The following GLYATL2 variants were observed in gnomAD, a reference collection of about 807,000 sequenced individuals.
GLYATL2 encodes glycine-N-acyltransferase like 2.
GLYATL2 carries 25 observed loss-of-function variants against 21.4 expected under a neutral mutation model. The observed-to-expected ratio is 1.17, with a 90% CI of 0.85 to 1.63. The LOEUF (loss-of-function observed/expected upper bound fraction) is 1.63, where lower values mean the gene tolerates loss of function less well. Ranked by LOEUF, GLYATL2 falls within the 40% of genes most tolerant of loss-of-function variation. The pLI is 0.00. For missense variants in GLYATL2, 361 were observed against 343.3 expected, an observed-to-expected ratio of 1.05 and a Z score of -0.41; for synonymous variants, 114 against 118.2, an observed-to-expected ratio of 0.96 and a Z score of 0.23.
upstream of GLYATL2, among the ~76,000 whole-genome samples, chr11:58,845,849 A>G (rs10896857): frequency 0.26 from 39,837 of 151,996 alleles, 5,722 homozygotes; most frequent in East Asian, 0.51. Context: ...TAGGCAGTTT[A>G]TATCTTCTTA....
At chr11:58,900,609 G>A (rs1411813885) in intron 1 of GLYATL2, among the ~76,000 whole-genome samples, 1 of 152,172 alleles carries the variant, frequency 6.6e-6, no homozygotes, top group African/African-American at 2.4e-5. Flanking sequence ...GGGTAGGTTT[G>A]CCTAAAGACA....
In GLYATL2 at chr11:58,901,035, G is replaced by C. The variant is rs528582458; in HGVS notation, n.60+3121C>G. Among the ~76,000 whole-genome samples, 16 of 152,168 alleles carry C rather than the reference G, an allele frequency of 1.1e-4. No individual in the cohort carries two copies. In the South Asian group the frequency reaches 3.1e-3, roughly 30 times the overall value. On this transcript the variant is annotated intron_variant and non_coding_transcript_variant, in intron 1 of 4. Coordinates refer to the GLYATL2 transcript ENST00000533636. ...GGAAACGCGCCTTCGCCTGCCCTGA[G>C]TAACTGCAAATCCAGGGCTGAGTGA... is the stretch of plus-strand genomic sequence containing the variant.
chr11:58,898,319 T>C (rs900690789), intron 1 of GLYATL2, among the ~76,000 whole-genome samples: 4 of 152,202 alleles, frequency 2.6e-5, no homozygotes, highest in African/African-American at 9.6e-5. Flanking sequence ...CTGGCTGTTT[T>C]AGTTCCAGAT....
intron 1 of GLYATL2, among the ~76,000 whole-genome samples, chr11:58,890,571 G>A (rs1340678637): frequency 1.3e-5 from 2 of 152,064 alleles, no homozygotes; most frequent in African/African-American, 4.8e-5. Context: ...TTTTTAAAGG[G>A]TAGATATTTC....
At chr11:58,875,428 T>C (rs1348116506) in intron 1 of GLYATL2, among the ~76,000 whole-genome samples, 4 of 152,228 alleles carry the variant, frequency 2.6e-5, no homozygotes, top group Admixed American at 6.5e-5. Context: ...TGGCTGGTAC[T>C]GGTTGTTCCT....
upstream of GLYATL2, chr11:58,908,371 G>C (rs967157815): frequency 1.3e-5 from 2 of 153,066 alleles, no homozygotes; most frequent in African/African-American, 4.8e-5. Context: ...TTGTTTTTTT[G>C]TTTTTTTAGA....
intron 1 of GLYATL2, among the ~76,000 whole-genome samples, chr11:58,881,872 A>G (rs904843565): frequency 2.6e-5 from 4 of 152,166 alleles, no homozygotes; most frequent in East Asian, 1.9e-4. Context: ...TTTGTTCAGA[A>G]TGATGGTTTC....
chr11:58,852,445 T>C (rs1381773206), intron 1 of GLYATL2, among the ~76,000 whole-genome samples: 2 of 152,256 alleles, frequency 1.3e-5, no homozygotes, highest in Non-Finnish European at 2.9e-5. Flanking sequence ...CCTACATTTA[T>C]TGAGAAATTA....
Position 58,879,289 on chromosome 11 carries a change from G to A in GLYATL2, n.60+24867C>T, listed in dbSNP as rs144478833. Among the ~76,000 whole-genome samples, 487 of 151,906 alleles carry A rather than the reference G, an allele frequency of 3.2e-3. 5 individuals are homozygous for A. The highest frequency in any genetic ancestry group is 0.011 in the African/African-American group (448 of 41,400). ...TTTCACTACCCAAAACAATTTTCATGTTTATTTATTCCCTTCAAGTCCTTG... is the reference window on the plus strand; with the variant it reads ...TTTCACTACCCAAAACAATTTTCATATTTATTTATTCCCTTCAAGTCCTTG... On this transcript the variant is annotated intron_variant and non_coding_transcript_variant, in intron 1 of 4. Coordinates refer to the GLYATL2 transcript ENST00000533636.
chr11:58,868,007 G>A (rs1160285805), intron 1 of GLYATL2, among the ~76,000 whole-genome samples: 1 of 148,716 alleles, frequency 6.7e-6, no homozygotes, highest in African/African-American at 2.4e-5. Flanking sequence ...CTGATGCAAA[G>A]GAGTCTCCTC....
intron 1 of GLYATL2, among the ~76,000 whole-genome samples, chr11:58,859,324 T>TTCTC (rs35379649): frequency 1.2e-4 from 18 of 150,852 alleles, no homozygotes; most frequent in South Asian, 2.1e-4. Context: ...GTAGCATTCA[T>TTCTC]TCTCTCTCTC....
At chr11:58,894,664 G>T (rs1590753516) in intron 1 of GLYATL2, among the ~76,000 whole-genome samples, 1 of 152,214 alleles carries the variant, frequency 6.6e-6, no homozygotes, top group Non-Finnish European at 1.5e-5. Context: ...TTTAAAGTGT[G>T]CAGTTCCAGC....
chr11:58,857,444 G>A lies in GLYATL2; in HGVS notation n.61-19076C>T, dbSNP rs538602763. ...GGAACAGCCTCCTCCTCCTCCCACT[G>A]CCTAGACCTGGAGAAGCCTTTTCTC... On this transcript the variant is annotated intron_variant and non_coding_transcript_variant, in intron 1 of 4. Transcript: ENST00000533636. 5.1e-4 allele frequency among the ~76,000 whole-genome samples: 77 copies of A among 152,256 alleles called. 3 individuals carry two copies. The South Asian group carries it at 0.016, about 31-fold the overall frequency.
At chr11:58,854,869 G>A (rs1853801986) in intron 1 of GLYATL2, among the ~76,000 whole-genome samples, 2 of 152,100 alleles carry the variant, frequency 1.3e-5, no homozygotes, top group African/African-American at 4.8e-5. Flanking sequence ...TATTTTAAGA[G>A]GTCACTTTCT....
chr11:58,906,180 A>T (rs1340159044), upstream of GLYATL2, among the ~76,000 whole-genome samples: 1 of 152,172 alleles, frequency 6.6e-6, no homozygotes, highest in Non-Finnish European at 1.5e-5. Context: ...AGTAGACAGA[A>T]GGATCTCAGC....
chr11:58,838,422 G>T, intron 2 of GLYATL2, 54 bp from the exon 3 acceptor site: 1 of 1,096,934 alleles, frequency 9.1e-7, no homozygotes, highest in Non-Finnish European at 1.4e-6. Context: ...CCAATATAGA[G>T]TCTTATATGT....
chr11:58,850,862 G>A (rs1565092777), intron 1 of GLYATL2, among the ~76,000 whole-genome samples: 1 of 152,148 alleles, frequency 6.6e-6, no homozygotes, highest in East Asian at 1.9e-4. Context: ...TCCCTGTGAT[G>A]CTGTGCTTCA....
intron 1 of GLYATL2, among the ~76,000 whole-genome samples, chr11:58,869,904 C>T (rs190891874): frequency 6.6e-6 from 1 of 152,062 alleles, no homozygotes; most frequent in African/African-American, 2.4e-5. Flanking sequence ...AGTTTGAGAC[C>T]AGCCTGAAAA....
At chr11:58,844,202 A>G (rs1853602770) in intron 1 of GLYATL2, among the ~76,000 whole-genome samples, 3 of 152,192 alleles carry the variant, frequency 2.0e-5, no homozygotes, top group African/African-American at 7.2e-5. Flanking sequence ...AAGCATTTGG[A>G]CATTTTACAA....
Sources: allele counts gnomAD v4.1 joint callset (sites outside exome capture counted in the v4.1 genomes callset), GRCh38; gene constraint gnomAD v4.1.1; transcripts MANE v1.5; gene names NCBI Gene and HGNC (gene_info 2026-07-23, HGNC 2026-07-21).